The following MAMDC2 variants were observed in gnomAD, a reference collection of about 807,000 sequenced individuals.
MAMDC2 encodes MAM domain-containing protein 2.
A neutral mutation model predicts 89.8 loss-of-function variants in MAMDC2; 57 were observed. The ratio of observed to expected loss-of-function variants is 0.63; its 90% CI spans 0.51 to 0.79. The LOEUF (loss-of-function observed/expected upper bound fraction) is 0.79. Among genes scored for constraint, MAMDC2 ranks in the 30% least tolerant of loss-of-function variants. The probability of loss-of-function intolerance (pLI) is 0.00; values close to 1 mark genes in which losing one functional copy is unlikely to be tolerated. For synonymous variants in MAMDC2, 313 were observed against 293.4 expected (o/e 1.07, Z -0.68); for missense variants, 800 against 820.6 (o/e 0.97, Z 0.31).
At chr9:70,134,821 C>T (rs1435451898) in intron 7 of MAMDC2, among the ~76,000 whole-genome samples, 2 of 152,162 alleles carry the variant, frequency 1.3e-5, no homozygotes, top group African/African-American at 4.8e-5. Context: ...GTGCCAGGTC[C>T]CACTGCCTCT....
At chr9:70,053,177 G>A (rs1034881089) in intron 2 of MAMDC2, among the ~76,000 whole-genome samples, 3 of 152,166 alleles carry the variant, frequency 2.0e-5, no homozygotes, top group African/African-American at 7.2e-5. Flanking sequence ...CTTATATATG[G>A]TTATGACAAA....
At chr9:70,085,596 C>T (rs1827752323) in intron 2 of MAMDC2, among the ~76,000 whole-genome samples, 1 of 152,080 alleles carries the variant, frequency 6.6e-6, no homozygotes, top group East Asian at 1.9e-4. Flanking sequence ...CAGACTACTG[C>T]TTGTTTCCAA....
intron 2 of MAMDC2, among the ~76,000 whole-genome samples, chr9:70,051,130 T>A (rs944054058): frequency 7.2e-5 from 11 of 152,192 alleles, no homozygotes; most frequent in African/African-American, 2.7e-4. Flanking sequence ...TCAGTCTGGG[T>A]GCTTGAGTTC....
chr9:70,195,005 G>A (rs1052543723), intron 11 of MAMDC2, among the ~76,000 whole-genome samples: 1 of 151,972 alleles, frequency 6.6e-6, no homozygotes. Flanking sequence ...TATATAACCA[G>A]TACATCAAAA....
At chr9:70,044,315 G>A (rs1004416504) in intron 1 of MAMDC2, 84 bp downstream of exon 1, 21 of 1,474,078 alleles carry the variant, frequency 1.4e-5, no homozygotes, top group Non-Finnish European at 1.7e-5. Context: ...CCGGCTCACC[G>A]TGCTGGGCTG....
chr9:70,225,012 G>T (rs2118706176), intron 12 of MAMDC2, among the ~76,000 whole-genome samples: 1 of 152,224 alleles, frequency 6.6e-6, no homozygotes, highest in East Asian at 1.9e-4. Context: ...CTTATAAAAT[G>T]AATAGAGCAA....
intron 10 of MAMDC2, among the ~76,000 whole-genome samples, chr9:70,169,310 T>C (rs923164916): frequency 6.6e-6 from 1 of 152,208 alleles, no homozygotes; most frequent in African/African-American, 2.4e-5. Flanking sequence ...TAGCTAGCTA[T>C]GTGTCATACA....
intron 11 of MAMDC2, among the ~76,000 whole-genome samples, chr9:70,210,886 TG>T (rs1307699493): frequency 1.3e-5 from 2 of 152,240 alleles, no homozygotes; most frequent in African/African-American, 2.4e-5. Flanking sequence ...CCTTCACTTA[TG>T]AAGCTTAGTT....
At chr9:70,217,647 C>T in intron 11 of MAMDC2, 1 of 1,608,644 alleles carries the variant, frequency 6.2e-7, no homozygotes, top group East Asian at 2.2e-5. Flanking sequence ...TTTCAGCTCC[C>T]CAAGTTGGTG....
At chr9:70,054,914 T>C (rs528404927) in intron 2 of MAMDC2, among the ~76,000 whole-genome samples, 1 of 151,990 alleles carries the variant, frequency 6.6e-6, no homozygotes, top group African/African-American at 2.4e-5. Flanking sequence ...AACTTACTCA[T>C]TGAAAAACAA....
At chr9:70,214,167 A>G (rs1192827834) in intron 11 of MAMDC2, among the ~76,000 whole-genome samples, 3 of 152,252 alleles carry the variant, frequency 2.0e-5, no homozygotes, top group African/African-American at 7.2e-5. Context: ...CAGTATGTTA[A>G]GAGGCAATTA....
chr9:70,054,095 AT>A (rs1357230937), intron 2 of MAMDC2, among the ~76,000 whole-genome samples: 2 of 152,156 alleles, frequency 1.3e-5, no homozygotes, highest in Non-Finnish European at 2.9e-5. Flanking sequence ...AGAAAAAGAT[AT>A]GATCAGTTCT....
chr9:70,137,512 G>A (rs901665395), intron 7 of MAMDC2, among the ~76,000 whole-genome samples: 8 of 152,158 alleles, frequency 5.3e-5, no homozygotes, highest in African/African-American at 1.9e-4. Context: ...TCTGGACCAA[G>A]ATTGAATCTT....
rs2117942274 is a variant in MAMDC2 at position 70,044,248 on chromosome 9, G to A, written c.34+17G>A. 1.2e-6 allele frequency: 2 copies of A among 1,611,730 alleles called. No homozygotes were observed. Among genetic ancestry groups the A allele is most frequent in the South Asian group, 1.1e-5 (1 of 91,070 alleles). ...CGTTGCAAGGTAAGGCCTGGACCCC[G>A]GGACAACCCCGGGGGCGCTCTGACG... On this transcript the variant is annotated intron_variant, in intron 1 of 13. Transcript: ENST00000377182.
chr9:70,147,445 A>G (rs1490396210), intron 9 of MAMDC2, among the ~76,000 whole-genome samples: 1 of 149,068 alleles, frequency 6.7e-6, no homozygotes, highest in African/African-American at 2.5e-5. Flanking sequence ...AACTTATACT[A>G]TTCCTTCTGC....
chr9:70,092,930 C>G lies in MAMDC2; in HGVS notation c.149-15281C>G, dbSNP rs546590913. Among the ~76,000 whole-genome samples the G allele has an allele frequency of 2.0e-5, 3 of 152,116 alleles. No individual in the cohort carries two copies. In the South Asian group the frequency reaches 6.2e-4, roughly 31 times the overall value. On this transcript the variant is annotated intron_variant, in intron 2 of 13. Coordinates refer to ENST00000377182, the MANE Select transcript of MAMDC2 (RefSeq NM_153267.5). ...AAATGAAATGTGTTTACCTCCACTG[C>G]TACGTTTTCTTTTTCAATGGAATAT... is the stretch of plus-strand genomic sequence containing the variant.
chr9:70,170,675 A>G (rs779800569), intron 11 of MAMDC2, 44 bp downstream of exon 11: 2 of 1,513,806 alleles, frequency 1.3e-6, no homozygotes, highest in Non-Finnish European at 1.8e-6. Flanking sequence ...AAAGCTTCTA[A>G]AATAGCATTC....
chr9:70,053,345 T>C (rs941172116), intron 2 of MAMDC2, among the ~76,000 whole-genome samples: 1 of 152,208 alleles, frequency 6.6e-6, no homozygotes, highest in African/African-American at 2.4e-5. Context: ...GCATCATGAA[T>C]AAATAATATG....
At chr9:70,113,524 G>A (rs1357519199) in intron 5 of MAMDC2, among the ~76,000 whole-genome samples, 1 of 152,220 alleles carries the variant, frequency 6.6e-6, no homozygotes, top group Non-Finnish European at 1.5e-5. Flanking sequence ...CAAAGGATGG[G>A]AATGGGTCCT....
Sources: gnomAD v4.1 joint callset for allele counts (sites outside exome capture counted in the v4.1 genomes callset) on GRCh38, gnomAD v4.1.1 for gene constraint, MANE v1.5 for transcripts, NCBI Gene and HGNC (gene_info 2026-07-23, HGNC 2026-07-21) for gene names.